Variants in PLD5 observed in about 807,000 individuals in gnomAD.
PLD5 encodes the protein inactive phospholipase D5.
In PLD5, 36 loss-of-function variants were observed where a neutral mutation model predicts 61.1. That is an observed-to-expected ratio of 0.59 (90% CI 0.45 to 0.78). The LOEUF (loss-of-function observed/expected upper bound fraction) is 0.78. PLD5 is among the 30% of genes least tolerant of loss of function. PLD5 has a pLI of 0.00. For synonymous variants in PLD5, 243 were observed against 242.8 expected (o/e 1.00, Z -0.01); for missense variants, 515 against 644.4 (o/e 0.80, Z 2.17).
chr1:242,153,791 C>T (rs1181799345), intron 5 of PLD5, among the ~76,000 whole-genome samples: 1 of 152,128 alleles, frequency 6.6e-6, no homozygotes, highest in Non-Finnish European at 1.5e-5. Context: ...TAGCCTGATG[C>T]CTCCAGCTTT....
intron 5 of PLD5, among the ~76,000 whole-genome samples, chr1:242,197,452 C>T (rs1229220704): frequency 6.6e-5 from 10 of 152,170 alleles, no homozygotes; most frequent in Admixed American, 5.2e-4. Context: ...TATGTTCCAG[C>T]CACACAGGTG....
intron 1 of PLD5, among the ~76,000 whole-genome samples, chr1:242,453,775 C>T (rs560965350): frequency 6.6e-6 from 1 of 152,238 alleles, no homozygotes; most frequent in East Asian, 1.9e-4. Flanking sequence ...ACCTGTCCAC[C>T]CCTCTCTCAT....
In PLD5 at chr1:242,085,207, G is replaced by T. The variant is rs1017914404; in HGVS notation, c.*4647C>A. The stretch of plus-strand genomic sequence containing the variant: ...AGTTTAGTAGTTGAACATAGCAAAA[G>T]AAAATGTGTAATAGTCTATTAAATG... On this transcript the variant is annotated 3_prime_UTR_variant, in exon 10 of 10. Coordinates refer to ENST00000536534, the MANE Select transcript of PLD5 (RefSeq NM_001372062.1). The T allele has an allele frequency of 4.0e-5, 6 of 151,898 alleles. No homozygotes were observed. Among genetic ancestry groups the T allele is most frequent in the African/African-American group, 1.4e-4 (6 of 41,476 alleles). 9.4% of individuals were successfully genotyped at this position (151,898 alleles called of 1,614,324 possible). A position where few individuals can be genotyped will look rare whatever the true frequency, so the allele number is the denominator to read the frequency against.
intron 9 of PLD5, among the ~76,000 whole-genome samples, chr1:242,093,173 T>G (rs1376569407): frequency 6.6e-6 from 1 of 152,150 alleles, no homozygotes; most frequent in Non-Finnish European, 1.5e-5. Flanking sequence ...GCGTTCCTGA[T>G]CGTGTGCTCT....
intron 1 of PLD5, among the ~76,000 whole-genome samples, chr1:242,426,701 T>C (rs1473046050): frequency 1.3e-5 from 2 of 152,204 alleles, no homozygotes; most frequent in African/African-American, 4.8e-5. Context: ...GGAAATGCAA[T>C]ATAAGCAATA....
Position 242,241,321 on chromosome 1 carries a change from A to G in PLD5, c.608-21206T>C, listed in dbSNP as rs1671989313. ...TTATCATATTGAAAAAGCCCTGCTGATTATCTTTTCATGGTCCCAGAAGTT... is the reference window on the plus strand; with the variant it reads ...TTATCATATTGAAAAAGCCCTGCTGGTTATCTTTTCATGGTCCCAGAAGTT... On this transcript the variant is annotated intron_variant, in intron 4 of 9. Coordinates refer to ENST00000536534, the MANE Select transcript of PLD5 (RefSeq NM_001372062.1). Among the ~76,000 whole-genome samples the G allele has an allele frequency of 2.6e-5, 4 of 152,122 alleles. No individual in the cohort carries two copies. The South Asian group carries it at 8.3e-4, about 32-fold the overall frequency.
At chr1:242,096,899 C>G in intron 9 of PLD5, among the ~76,000 whole-genome samples, 1 of 151,698 alleles carries the variant, frequency 6.6e-6, no homozygotes, top group Non-Finnish European at 1.5e-5. Context: ...CCTCCTTCCC[C>G]CTCCCCCTCC....
rs547556216 is a variant in PLD5 at position 242,338,414 on chromosome 1, C to T, written c.326+9692G>A. On this transcript the variant is annotated intron_variant, in intron 2 of 9. Transcript: ENST00000536534. ...GCTATACTTTCTGTTTTCAACACTACTCATGATTATCAGATATGATTGTGC... is the reference window on the plus strand; with the variant it reads ...GCTATACTTTCTGTTTTCAACACTATTCATGATTATCAGATATGATTGTGC... Among the ~76,000 whole-genome samples the T allele has an allele frequency of 1.8e-3, 278 of 152,034 alleles. 1 individual carries two copies. The highest frequency in any genetic ancestry group is 2.5e-3 in the Non-Finnish European group (167 of 67,960).
In PLD5 at chr1:242,457,752, T is replaced by C. The variant is rs371435345; in HGVS notation, c.189+66336A>G. Among the ~76,000 whole-genome samples the C allele has an allele frequency of 9.2e-5, 14 of 152,312 alleles. No homozygotes were observed. The East Asian group carries it at 2.3e-3, about 25-fold the overall frequency. On this transcript the variant is annotated intron_variant, in intron 1 of 9. Coordinates refer to ENST00000536534, the MANE Select transcript of PLD5 (RefSeq NM_001372062.1). Reference sequence around the variant, plus strand: ...AACAACTTGTCTCCAGCGATCCAGGTCCGGCTCAACCTCTGCCTCCTCCTG... The same window carrying C: ...AACAACTTGTCTCCAGCGATCCAGGCCCGGCTCAACCTCTGCCTCCTCCTG...
At chr1:242,228,923 C>T (rs1288782821) in intron 4 of PLD5, among the ~76,000 whole-genome samples, 1 of 152,178 alleles carries the variant, frequency 6.6e-6, no homozygotes, top group African/African-American at 2.4e-5. Context: ...AAGCTTGTTT[C>T]AGAAGGATTT....
chr1:242,135,680 G>A (rs2148772389), intron 5 of PLD5, among the ~76,000 whole-genome samples: 1 of 152,072 alleles, frequency 6.6e-6, no homozygotes, highest in Admixed American at 6.5e-5. Context: ...TAACAAGGCT[G>A]TCCCAAATAC....
intron 5 of PLD5, among the ~76,000 whole-genome samples, chr1:242,130,192 C>T (rs1162377345): frequency 6.6e-6 from 1 of 151,988 alleles, no homozygotes; most frequent in Non-Finnish European, 1.5e-5. Flanking sequence ...GCTGTGATTA[C>T]AGGCTCCCGC....
At chr1:242,397,354 T>C (rs1423139817) in intron 1 of PLD5, among the ~76,000 whole-genome samples, 1 of 151,682 alleles carries the variant, frequency 6.6e-6, no homozygotes, top group Non-Finnish European at 1.5e-5. Context: ...TTGTTTTTTT[T>C]TTCCTCATAT....
chr1:242,381,397 T>G lies in PLD5; in HGVS notation c.190-33155A>C, dbSNP rs1307952497. Among the ~76,000 whole-genome samples the G allele has an allele frequency of 5.3e-5, 8 of 151,902 alleles. No homozygotes were observed. The East Asian group carries it at 1.5e-3, about 29-fold the overall frequency. ...ACACACACTAGGGCCTATAGGTGGT[T>G]GGGGGTGAGGGAGGGGGAAGGAGGC... On this transcript the variant is annotated intron_variant, in intron 1 of 9. Transcript: ENST00000536534.
At chr1:242,365,157 C>T (rs1243038871) in intron 1 of PLD5, 2 of 152,288 alleles carry the variant, frequency 1.3e-5, no homozygotes, top group East Asian at 3.9e-4. Flanking sequence ...GTTACTGAAG[C>T]TCCTTTTCCA....
chr1:242,394,515 CATATATATGT>C (rs1663278757), intron 1 of PLD5, among the ~76,000 whole-genome samples: 1 of 32,862 alleles, frequency 3.0e-5, no homozygotes, highest in Non-Finnish European at 5.2e-5. Flanking sequence ...TATATGTGAA[CATATATATGT>C]GTATATATGT....
chr1:242,288,852 A>G (rs2149138018), intron 2 of PLD5, among the ~76,000 whole-genome samples: 1 of 152,348 alleles, frequency 6.6e-6, no homozygotes, highest in South Asian at 2.1e-4. Context: ...ACCTTCTTCT[A>G]GTAATATATT....
intron 5 of PLD5, among the ~76,000 whole-genome samples, chr1:242,152,614 T>C (rs926921980): frequency 6.6e-6 from 1 of 152,146 alleles, no homozygotes; most frequent in Admixed American, 6.5e-5. Flanking sequence ...TGTTTGGTTT[T>C]CTGTTCTTGT....
intron 1 of PLD5, among the ~76,000 whole-genome samples, chr1:242,485,101 T>C (rs1328858924): frequency 6.6e-5 from 10 of 151,902 alleles, no homozygotes. Flanking sequence ...ACAGCCAATA[T>C]CATACTGAAT....
Sources: allele counts gnomAD v4.1 joint callset (sites outside exome capture counted in the v4.1 genomes callset), GRCh38; gene constraint gnomAD v4.1.1; transcripts MANE v1.5; gene names NCBI Gene and HGNC (gene_info 2026-07-23, HGNC 2026-07-21).